Variants in INTS13 observed in about 807,000 individuals in gnomAD.
INTS13 encodes the protein integrator complex subunit 13.
In INTS13, 35 loss-of-function variants were observed where a neutral mutation model predicts 90.2. The observed-to-expected ratio is 0.39, with a 90% CI of 0.30 to 0.51. INTS13 has a LOEUF of 0.51. INTS13 is among the 20% of genes least tolerant of loss of function. INTS13 has a pLI of 0.80. For synonymous variants in INTS13, 309 were observed against 277.1 expected (o/e 1.11, Z -1.14); for missense variants, 601 against 851.2 (o/e 0.71, Z 3.66).
At chr12:26,908,223 G>C (rs971093988) in intron 15 of INTS13, among the ~76,000 whole-genome samples, 3 of 152,126 alleles carry the variant, frequency 2.0e-5, no homozygotes, top group Non-Finnish European at 4.4e-5. Context: ...GAGGAGGAGA[G>C]TGAAAGATGA....
chr12:26,919,139 T>C (rs562846594), intron 8 of INTS13: 13 of 167,216 alleles, frequency 7.8e-5, no homozygotes, highest in Non-Finnish European at 1.6e-4. Flanking sequence ...TGTACTCCAG[T>C]CTGAGTCACA....
At chr12:26,921,548 G>C (rs753015905) in intron 8 of INTS13, among the ~76,000 whole-genome samples, 1 of 152,224 alleles carries the variant, frequency 6.6e-6, no homozygotes, top group Non-Finnish European at 1.5e-5. Context: ...GGATGAACTA[G>C]TCAGTCTGGT....
intron 3 of INTS13, among the ~76,000 whole-genome samples, chr12:26,929,746 A>G (rs1938088605): frequency 1.3e-5 from 2 of 151,356 alleles, no homozygotes; most frequent in African/African-American, 4.9e-5. Context: ...GAAGGAAGGA[A>G]AGAAGAAAGA....
chr12:26,929,682 T>A (rs888319644), intron 3 of INTS13, among the ~76,000 whole-genome samples: 1 of 150,636 alleles, frequency 6.6e-6, no homozygotes, highest in African/African-American at 2.4e-5. Flanking sequence ...CACTGAACTC[T>A]GGCCTAGGTG....
At chr12:26,913,719 T>A (rs1369493923) in intron 13 of INTS13, 32 bp from the exon 14 acceptor site, 13 of 1,533,000 alleles carry the variant, frequency 8.5e-6, no homozygotes, top group Non-Finnish European at 1.1e-5. Flanking sequence ...ACTCTTTAAA[T>A]AATATTGAAG....
In INTS13 at chr12:26,913,667, A is replaced by G. The variant is rs748772866; in HGVS notation, c.1595T>C (p.Met532Thr). Residue 532 changes from methionine (M) to threonine (T), a missense_variant, in exon 14 of 17, where the codon ATG becomes ACG. Met to Thr is a moderately conservative substitution (Grantham distance 81). Coordinates refer to ENST00000261191, the MANE Select transcript of INTS13 (RefSeq NM_018164.3). ...GACAAGGGTTTCTAATTCATTCCACATGATACGGTATTGTTCATCTCTGCA... is the reference window on the plus strand; with the variant it reads ...GACAAGGGTTTCTAATTCATTCCACGTGATACGGTATTGTTCATCTCTGCA... Reference protein sequence around the residue: ...GPKRDEQYRIMWNELETLVRA... With the variant: ...GPKRDEQYRITWNELETLVRA... The G allele has an allele frequency of 3.1e-6, 5 of 1,613,230 alleles. No homozygotes were observed. Among genetic ancestry groups the G allele is most frequent in the South Asian group, 2.2e-5 (2 of 91,012 alleles).
chr12:26,905,441 G>T lies in INTS13; in HGVS notation c.*56C>A. 2.6e-6 allele frequency: 4 copies of T among 1,533,448 alleles called. No individual in the cohort carries two copies. The highest frequency in any genetic ancestry group is 2.7e-6 in the Non-Finnish European group (3 of 1,115,190). 95.0% of individuals were successfully genotyped at this position (1,533,448 alleles called of 1,614,324 possible). A position where few individuals can be genotyped will look rare whatever the true frequency, so the allele number is the denominator to read the frequency against. ...ATCTTGCTGTAAAAGTACTTATATCGAATTCCGCACAAAATATTTTTGCAA... is the reference window on the plus strand; with the variant it reads ...ATCTTGCTGTAAAAGTACTTATATCTAATTCCGCACAAAATATTTTTGCAA... On this transcript the variant is annotated 3_prime_UTR_variant, in exon 17 of 17. Coordinates refer to ENST00000261191, the MANE Select transcript of INTS13 (RefSeq NM_018164.3).
chr12:26,929,756 A>G (rs28837376), intron 3 of INTS13, among the ~76,000 whole-genome samples: 18 of 151,246 alleles, frequency 1.2e-4, no homozygotes, highest in African/African-American at 3.6e-4. Context: ...AAGAAGAAAG[A>G]AAGGAAGGAA....
In INTS13 at chr12:26,914,136, A is replaced by AT. The variant is rs781740886; in HGVS notation, c.1420-9dup. On this transcript the variant is annotated splice_polypyrimidine_tract_variant and intron_variant, in intron 12 of 16. Coordinates refer to ENST00000261191, the MANE Select transcript of INTS13 (RefSeq NM_018164.3). Reference sequence around the variant, plus strand: ...ACTGGCTAATGGAACTACCTGTTAGATTTTTTTTAAAGAAAAAAGAAAATC... The same window carrying AT: ...ACTGGCTAATGGAACTACCTGTTAGATTTTTTTTTAAAGAAAAAAGAAAATC... 2.7e-5 allele frequency: 42 copies of AT among 1,555,744 alleles called. No individual in the cohort carries two copies. The highest frequency in any genetic ancestry group is 7.0e-5 in the African/African-American group (5 of 71,660).
At chr12:26,915,713 TAA>T (rs1295723131) in intron 11 of INTS13, among the ~76,000 whole-genome samples, 2 of 152,220 alleles carry the variant, frequency 1.3e-5, no homozygotes, top group Non-Finnish European at 2.9e-5. Flanking sequence ...TACTAGAAAT[TAA>T]GTTTCACCTA....
intron 15 of INTS13, among the ~76,000 whole-genome samples, chr12:26,909,928 G>A (rs1180756960): frequency 6.6e-6 from 1 of 152,012 alleles, no homozygotes; most frequent in African/African-American, 2.4e-5. Context: ...GAGGCATAGT[G>A]GCAGGACATC....
chr12:26,937,256 G>A (rs1043269957), intron 1 of INTS13, among the ~76,000 whole-genome samples: 1 of 152,152 alleles, frequency 6.6e-6, no homozygotes, highest in African/African-American at 2.4e-5. Context: ...AAAAACGTTT[G>A]AAGGGGGACT....
chr12:26,919,490 G>A (rs1214080918), intron 8 of INTS13, among the ~76,000 whole-genome samples: 2 of 152,184 alleles, frequency 1.3e-5, no homozygotes, highest in African/African-American at 4.8e-5. Context: ...TAGCTAGAGG[G>A]TAAAGAGTAG....
chr12:26,919,092 G>C (rs749565963), intron 8 of INTS13: 4 of 356,364 alleles, frequency 1.1e-5, no homozygotes, highest in African/African-American at 2.1e-5. Flanking sequence ...CTTGTAGCCC[G>C]AGGGGTCGAT....
Position 26,913,543 on chromosome 12 carries a change from T to G in INTS13, c.1719A>C (p.Arg573=). Residue 573 remains arginine (R), a synonymous_variant, in exon 14 of 17, where the codon CGA becomes CGC. Coordinates refer to ENST00000261191, the MANE Select transcript of INTS13 (RefSeq NM_018164.3). ...CCTCTTTGTCTTCCCTCTTTCTTCC[T>G]CGTTTCTTTCGTTCTTCCTCTTCTG... The part of the protein sequence containing the change: ...KPPEEEERKK[R]GRKREDKEDK... 1 of 1,614,164 alleles carries G rather than the reference T, an allele frequency of 6.2e-7. No homozygotes were observed. Among genetic ancestry groups the G allele is most frequent in the Non-Finnish European group, 8.5e-7 (1 of 1,180,028 alleles).
chr12:26,911,401 A>T (rs552705513), intron 14 of INTS13, 84 bp from the exon 15 acceptor site: 1 of 1,205,126 alleles, frequency 8.3e-7, no homozygotes, highest in South Asian at 1.7e-5. Context: ...TTTGCATATC[A>T]ACCTTTATAA....
chr12:26,920,204 A>G (rs11048772), intron 8 of INTS13, among the ~76,000 whole-genome samples: 18 of 151,818 alleles, frequency 1.2e-4, no homozygotes, highest in Middle Eastern at 3.2e-3. Flanking sequence ...ACCTAGCTAC[A>G]CTGTTACCAC....
chr12:26,906,497 T>G lies in INTS13; in HGVS notation c.1946-60A>C, dbSNP rs925101349. ...GATAGAATAATTTATTATTTCCAAA[T>G]TTCCAAATTTCCAAACTTACCTTTA... is the stretch of plus-strand genomic sequence containing the variant. On this transcript the variant is annotated intron_variant, in intron 15 of 16. Transcript: ENST00000261191. 20 of 1,502,440 alleles carry G rather than the reference T, an allele frequency of 1.3e-5. 1 individual carries two copies. Among genetic ancestry groups the G allele is most frequent in the Non-Finnish European group, 1.7e-5 (19 of 1,109,758 alleles). 93.1% of individuals were successfully genotyped at this position (1,502,440 alleles called of 1,614,324 possible). A position where few individuals can be genotyped will look rare whatever the true frequency, so the allele number is the denominator to read the frequency against.
chr12:26,929,079 A>C (rs1938045833), intron 3 of INTS13, 174 bp from the exon 4 acceptor site: 1 of 584,514 alleles, frequency 1.7e-6, no homozygotes, highest in Non-Finnish European at 3.0e-6. Context: ...ACCATGAACA[A>C]GTGGGATTTA....
Sources: allele counts gnomAD v4.1 joint callset (sites outside exome capture counted in the v4.1 genomes callset), GRCh38; gene constraint gnomAD v4.1.1; transcripts MANE v1.5; gene names NCBI Gene and HGNC (gene_info 2026-07-23, HGNC 2026-07-21).